DOCK10: variants seen among roughly 807,000 people sequenced by gnomAD.
DOCK10 encodes the protein dedicator of cytokinesis 10.
Under a neutral mutation model 280.1 loss-of-function variants are expected in DOCK10, and 145 were observed. The ratio of observed to expected loss-of-function variants is 0.52; its 90% CI spans 0.45 to 0.59. The LOEUF (loss-of-function observed/expected upper bound fraction) is 0.59. DOCK10 is among the 20% of genes least tolerant of loss of function. The pLI is 0.00. For synonymous variants in DOCK10, 915 were observed against 942.2 expected, an observed-to-expected ratio of 0.97 and a Z score of 0.53; for missense variants, 2,368 against 2,651.7, an observed-to-expected ratio of 0.89 and a Z score of 2.35.
At position 224,786,319 on chromosome 2, in the gene DOCK10, G is replaced by A. The variant is rs533118908; in HGVS notation, c.5655+703C>T. ...AATACGTCTGCTGAAATATAATAGC[G>A]TTATAAGCCTTCCTGAAAAGAAAAT... On this transcript the variant is annotated intron_variant, in intron 50 of 55. Coordinates refer to ENST00000258390, the MANE Select transcript of DOCK10 (RefSeq NM_014689.3). The surrounding 1 kb of genome is among the most constrained non-coding windows in gnomAD (Gnocchi z 4.7). Among the ~76,000 whole-genome samples, 20 of 152,268 alleles carry A rather than the reference G, an allele frequency of 1.3e-4. No individual in the cohort carries two copies. Among genetic ancestry groups the A allele is most frequent in the African/African-American group, 4.1e-4 (17 of 41,566 alleles).
chr2:224,915,653 C>T (rs886742854), intron 3 of DOCK10, among the ~76,000 whole-genome samples: 3 of 152,176 alleles, frequency 2.0e-5, no homozygotes, highest in Non-Finnish European at 4.4e-5. Flanking sequence ...CTAGTTGGGA[C>T]ACACCACTTT....
chr2:224,916,557 AAAAAAG>A, intron 3 of DOCK10, 132 bp downstream of exon 3: 1 of 562,282 alleles, frequency 1.8e-6, no homozygotes, highest in Non-Finnish European at 3.0e-6. Flanking sequence ...AAAAAAAAAA[AAAAAAG>A]ACATCCACTA....
Position 224,770,714 on chromosome 2 carries a change from G to A in DOCK10, c.6205-69C>T, listed in dbSNP as rs377007980. On this transcript the variant is annotated intron_variant, in intron 53 of 55. Coordinates refer to ENST00000258390, the MANE Select transcript of DOCK10 (RefSeq NM_014689.3). This position sits in a 1 kb window ranked among gnomAD's most constrained non-coding sequence, Gnocchi z 4.5. Reference sequence around the variant, plus strand: ...GGAGTCTTTTCCACCGCTGGAAGAGGAGCAACTGTGCACCAATGGTGTGGT... The same window carrying A: ...GGAGTCTTTTCCACCGCTGGAAGAGAAGCAACTGTGCACCAATGGTGTGGT... 25 of 1,128,360 alleles carry A rather than the reference G, an allele frequency of 2.2e-5. No individual in the cohort carries two copies. The African/African-American group carries it at 2.9e-4, about 13-fold the overall frequency. 69.9% of individuals were successfully genotyped at this position (1,128,360 alleles called of 1,614,324 possible).
At position 225,042,203 on chromosome 2, in the gene DOCK10, C is replaced by G; in HGVS notation, c.123+49G>C. ...TTGGGGAAGCTGGGCTCCGTTCCCC[C>G]CGGGCGCCTGGGGCGCGCGGGAAGG... On this transcript the variant is annotated intron_variant, in intron 1 of 55. Transcript: ENST00000258390. This position sits in a 1 kb window ranked among gnomAD's most constrained non-coding sequence, Gnocchi z 5.1. The G allele has an allele frequency of 1.6e-6, 2 of 1,230,880 alleles. No homozygotes were observed. Among genetic ancestry groups the G allele is most frequent in the Non-Finnish European group, 2.0e-6 (2 of 987,178 alleles). The allele number at this position is 1,230,880 out of a possible 1,614,324, so 76.2% of individuals were successfully genotyped here.
chr2:224,961,539 G>A (rs1490203209), intron 1 of DOCK10, among the ~76,000 whole-genome samples: 9 of 136,454 alleles, frequency 6.6e-5, no homozygotes, highest in African/African-American at 8.3e-5. Flanking sequence ...ACGGAGCCTC[G>A]CTCTGTTGCC....
At chr2:225,018,733 A>ATG (rs1200368890) in intron 1 of DOCK10, among the ~76,000 whole-genome samples, 3 of 24,024 alleles carry the variant, frequency 1.2e-4, no homozygotes, top group African/African-American at 2.5e-4. Context: ...TTTCATGTAA[A>ATG]TATATATATA....
intron 13 of DOCK10, among the ~76,000 whole-genome samples, chr2:224,863,372 T>C (rs1197968828): frequency 6.6e-6 from 1 of 152,248 alleles, no homozygotes; most frequent in Non-Finnish European, 1.5e-5. Flanking sequence ...TTGTCATACA[T>C]GCTAAGATTC....
intron 3 of DOCK10, among the ~76,000 whole-genome samples, chr2:224,897,562 C>A (rs931287719): frequency 1.3e-5 from 2 of 152,050 alleles, no homozygotes; most frequent in Non-Finnish European, 2.9e-5. Flanking sequence ...CCACCCCAGC[C>A]TCCGGTAACC....
intron 27 of DOCK10, among the ~76,000 whole-genome samples, chr2:224,827,078 C>A (rs1185834656): frequency 1.3e-5 from 2 of 151,866 alleles, no homozygotes; most frequent in African/African-American, 4.8e-5. Flanking sequence ...GTCTGGCCAA[C>A]ATGGTGAAAC....
At chr2:224,880,281 T>C (rs1012514695) in intron 7 of DOCK10, among the ~76,000 whole-genome samples, 3 of 152,224 alleles carry the variant, frequency 2.0e-5, no homozygotes, top group Admixed American at 2.0e-4. Context: ...AATTACCTTC[T>C]TCTATTTCAA....
intron 3 of DOCK10, among the ~76,000 whole-genome samples, chr2:224,911,183 A>G (rs1349719613): frequency 1.3e-5 from 2 of 152,138 alleles, no homozygotes; most frequent in African/African-American, 4.8e-5. Flanking sequence ...TACAAGAGAG[A>G]AAAGAAGTCT....
At chr2:225,000,420 A>C (rs1388797697) in intron 1 of DOCK10, among the ~76,000 whole-genome samples, 1 of 152,244 alleles carries the variant, frequency 6.6e-6, no homozygotes, top group Admixed American at 6.5e-5. Context: ...TGCTTTCCAC[A>C]TGCGGAAGAG....
chr2:224,826,753 ATC>A (rs1211738259), intron 27 of DOCK10, among the ~76,000 whole-genome samples: 1 of 146,988 alleles, frequency 6.8e-6, no homozygotes, highest in Non-Finnish European at 1.5e-5. Context: ...CTATCTATCT[ATC>A]TATCTATCTA....
At chr2:224,994,757 T>C (rs2126275055) in intron 1 of DOCK10, among the ~76,000 whole-genome samples, 1 of 152,308 alleles carries the variant, frequency 6.6e-6, no homozygotes, top group Admixed American at 6.5e-5. Context: ...TTTTTCTAGT[T>C]CAAAGCAAAT....
intron 3 of DOCK10, among the ~76,000 whole-genome samples, chr2:224,908,174 G>A (rs1268089247): frequency 8.6e-6 from 1 of 116,636 alleles, no homozygotes; most frequent in Non-Finnish European, 1.8e-5. Flanking sequence ...AGTTGTGTGT[G>A]TGTGTGTGTA....
chr2:224,926,590 G>C (rs7604871), intron 2 of DOCK10, among the ~76,000 whole-genome samples: 1 of 152,178 alleles, frequency 6.6e-6, no homozygotes, highest in Non-Finnish European at 1.5e-5. Flanking sequence ...CTATGAGCCA[G>C]GCACTATGTT....
Position 224,929,351 on chromosome 2 carries a change from T to C in DOCK10, c.243+2198A>G, listed in dbSNP as rs143817420. 2.1e-3 allele frequency among the ~76,000 whole-genome samples: 314 copies of C among 152,356 alleles called. 1 individual carries two copies. Among genetic ancestry groups the C allele is most frequent in the African/African-American group, 6.7e-3 (279 of 41,588 alleles). On this transcript the variant is annotated intron_variant, in intron 2 of 55. Transcript: ENST00000258390. ...GCCCAGTATTCAGTATTATACATCA[T>C]GTATTTGCTGAATGAATAAAGGAAG...
In DOCK10 at chr2:224,841,813, G is replaced by A. The variant is rs201421202; in HGVS notation, c.2652C>T (p.Arg884=). Residue 884 remains arginine (R), a synonymous_variant, in exon 23 of 56, where the codon CGC becomes CGT. Transcript: ENST00000258390. ...MSQSPTSNFI[R]SCKNLLNVEK... ...TTGCATGTCATGTTACCTTACAAGA[G>A]CGGATGAAATTTGAGGTAGGTGACT... 3.7e-6 allele frequency: 6 copies of A among 1,609,076 alleles called. No homozygotes were observed. The East Asian group carries it at 1.1e-4, about 30-fold the overall frequency.
chr2:224,828,196 T>C (rs537963647), intron 27 of DOCK10, among the ~76,000 whole-genome samples: 5 of 152,232 alleles, frequency 3.3e-5, no homozygotes, highest in African/African-American at 9.6e-5. Context: ...AAAGAGGCTA[T>C]AAAAATTAGC....
Sources: gnomAD v4.1 joint callset for allele counts (sites outside exome capture counted in the v4.1 genomes callset) on GRCh38, gnomAD v4.1.1 for gene constraint, Gnocchi (gnomAD v3.1) non-coding constraint, MANE v1.5 for transcripts, NCBI Gene and HGNC (gene_info 2026-07-23, HGNC 2026-07-21) for gene names.